Variants in CAPZB observed in about 807,000 individuals in gnomAD.
The protein encoded by CAPZB is capping actin protein of muscle Z-line subunit beta, also known as F-actin-capping protein subunit beta.
A neutral mutation model predicts 38.1 loss-of-function variants in CAPZB; 2 were observed. The ratio of observed to expected loss-of-function variants is 0.05; its 90% confidence interval spans 0.02 to 0.17. The LOEUF is 0.17. CAPZB is among the 10% of genes least tolerant of loss of function. The pLI is 1.00. For synonymous variants in CAPZB, 107 were observed against 127.4 expected (o/e 0.84, Z 1.08); for missense variants, 161 against 334.2 (o/e 0.48, Z 4.04).
chr1:19,471,660 C>G (rs563329266), intron 1 of CAPZB, among the ~76,000 whole-genome samples: 43 of 152,142 alleles, frequency 2.8e-4, no homozygotes, highest in Non-Finnish European at 4.6e-4. Flanking sequence ...GTCAGGAGAT[C>G]AAGACCATCC....
intron 2 of CAPZB, among the ~76,000 whole-genome samples, chr1:19,410,358 C>T (rs1470360228): frequency 6.6e-6 from 1 of 152,206 alleles, no homozygotes; most frequent in Non-Finnish European, 1.5e-5. Context: ...TCTTGCAGTG[C>T]ACTGCTTTTT....
intron 1 of CAPZB, among the ~76,000 whole-genome samples, chr1:19,435,949 T>C (rs1404022401): frequency 1.3e-5 from 2 of 152,214 alleles, no homozygotes; most frequent in African/African-American, 4.8e-5. Flanking sequence ...TAGTTAAGGA[T>C]ACAGGTTGGA....
chr1:19,358,195 T>C (rs1319354989), intron 4 of CAPZB, among the ~76,000 whole-genome samples: 1 of 152,364 alleles, frequency 6.6e-6, no homozygotes. Flanking sequence ...TGGAGTGCAG[T>C]GGCACCATCT....
chr1:19,366,286 ATATAT>A (rs776011047), intron 4 of CAPZB, among the ~76,000 whole-genome samples: 3,312 of 107,250 alleles, frequency 0.031, 114 homozygotes, highest in South Asian at 0.074. Flanking sequence ...GTCTTAAAAT[ATATAT>A]ATATATATAT....
chr1:19,423,830 C>T (rs1009982590), intron 1 of CAPZB, among the ~76,000 whole-genome samples: 5 of 152,268 alleles, frequency 3.3e-5, no homozygotes, highest in East Asian at 1.9e-4. Flanking sequence ...TGGGGGGCCA[C>T]CATGCCTGGC....
At chr1:19,347,099 C>T (rs2093966294) in intron 6 of CAPZB, among the ~76,000 whole-genome samples, 1 of 151,992 alleles carries the variant, frequency 6.6e-6, no homozygotes, top group Non-Finnish European at 1.5e-5. Flanking sequence ...CCTCAGCCTC[C>T]CGAAGTGCTG....
intron 1 of CAPZB, among the ~76,000 whole-genome samples, chr1:19,429,622 G>C (rs2094435753): frequency 6.6e-6 from 1 of 152,176 alleles, no homozygotes; most frequent in Non-Finnish European, 1.5e-5. Context: ...CCTCCATAAA[G>C]GGTAGGAACT....
At chr1:19,431,371 C>G (rs1400260826) in intron 1 of CAPZB, among the ~76,000 whole-genome samples, 2 of 152,180 alleles carry the variant, frequency 1.3e-5, no homozygotes, top group African/African-American at 2.4e-5. Context: ...GGATAAGAAA[C>G]CTGTAGTTTA....
chr1:19,375,596 T>C (rs1262203130), intron 4 of CAPZB, among the ~76,000 whole-genome samples: 1 of 152,248 alleles, frequency 6.6e-6, no homozygotes, highest in East Asian at 1.9e-4. Context: ...GGCAGGATGC[T>C]GTCGTCACCC....
chr1:19,414,847 C>T (rs567089952), intron 2 of CAPZB, among the ~76,000 whole-genome samples: 35 of 152,312 alleles, frequency 2.3e-4, no homozygotes, highest in Non-Finnish European at 4.3e-4. Context: ...AGCTTAACAA[C>T]GGATTTCAGC....
At chr1:19,444,836 A>G (rs12091810) in intron 1 of CAPZB, among the ~76,000 whole-genome samples, 3,650 of 152,212 alleles carry the variant, frequency 0.024, 150 homozygotes, top group African/African-American at 0.083. Flanking sequence ...TCCACCTCCC[A>G]GGTTCAAGCG....
In CAPZB at chr1:19,375,464, T is replaced by C. The variant is rs558433284; in HGVS notation, c.329+3076A>G. On this transcript the variant is annotated intron_variant, in intron 4 of 8. Transcript: ENST00000264202. ...GTAAGGAAGGGCCTCCTGCCTCTCC[T>C]GCGGGGCCACTCTCCTCCTTCCTCC... Among the ~76,000 whole-genome samples the C allele has an allele frequency of 2.6e-5, 4 of 152,312 alleles. No individual in the cohort carries two copies. In the East Asian group the frequency reaches 7.7e-4, roughly 29 times the overall value.
intron 1 of CAPZB, among the ~76,000 whole-genome samples, chr1:19,420,399 T>C (rs977450434): frequency 1.3e-5 from 2 of 152,176 alleles, no homozygotes; most frequent in Non-Finnish European, 2.9e-5. Flanking sequence ...CTCTTGTTTA[T>C]CAAGCACTCT....
intron 2 of CAPZB, among the ~76,000 whole-genome samples, chr1:19,405,451 C>T (rs2094326219): frequency 6.9e-6 from 1 of 144,820 alleles, no homozygotes; most frequent in Admixed American, 7.2e-5. Flanking sequence ...GAAAACAATG[C>T]GGGCGAAGAA....
At chr1:19,482,805 C>T (rs985830692) in intron 1 of CAPZB, among the ~76,000 whole-genome samples, 3 of 152,184 alleles carry the variant, frequency 2.0e-5, no homozygotes, top group Admixed American at 1.3e-4. Flanking sequence ...AATTCATTTA[C>T]CTACAATGCA....
chr1:19,456,657 C>A (rs1301116216), intron 1 of CAPZB, among the ~76,000 whole-genome samples: 1 of 152,174 alleles, frequency 6.6e-6, no homozygotes, highest in Admixed American at 6.5e-5. Flanking sequence ...AAGGATCAGA[C>A]CATCCCACAA....
rs1293207144 is a variant in CAPZB, at chr1:19,346,990, TTTTTTA to T, written c.589-1744_589-1739del. On this transcript the variant is annotated intron_variant, in intron 6 of 8. Transcript: ENST00000264202. ...AGGTGCCCACCACCACGTCCGGCTT[TTTTTTA>T]TTTTTATTTTTATTTTTTATTTTTA... 6.2e-4 allele frequency among the ~76,000 whole-genome samples: 93 copies of T among 151,170 alleles called. 1 individual carries two copies. Among genetic ancestry groups the T allele is most frequent in the African/African-American group, 2.0e-3 (81 of 41,116 alleles).
chr1:19,453,174 G>A (rs1264346509), intron 1 of CAPZB, among the ~76,000 whole-genome samples: 2 of 152,124 alleles, frequency 1.3e-5, no homozygotes, highest in African/African-American at 2.4e-5. Flanking sequence ...AGCTTCTTGT[G>A]ACTGTTAGAC....
chr1:19,356,592 C>A lies in CAPZB; in HGVS notation c.588+43G>T, dbSNP rs935456912. 3.1e-6 allele frequency: 4 copies of A among 1,298,632 alleles called. No individual in the cohort carries two copies. Among genetic ancestry groups the A allele is most frequent in the Non-Finnish European group, 4.5e-6 (4 of 891,944 alleles). The allele number at this position is 1,298,632 out of a possible 1,614,324, so 80.4% of individuals were successfully genotyped here. ...CTCTGCAGGTCAGCACTGAGGCCAG[C>A]ACCTGTGGGCACTGGCAAGTGGCTA... On this transcript the variant is annotated intron_variant, in intron 6 of 8. Transcript: ENST00000264202. This position sits in a 1 kb window ranked among gnomAD's most constrained non-coding sequence, Gnocchi z 4.3.
Sources: gnomAD v4.1 joint callset for allele counts (sites outside exome capture counted in the v4.1 genomes callset) on GRCh38, gnomAD v4.1.1 for gene constraint, Gnocchi (gnomAD v3.1) non-coding constraint, MANE v1.5 for transcripts, NCBI Gene and HGNC (gene_info 2026-07-23, HGNC 2026-07-21) for gene names.